DCAF17: variants seen among roughly 807,000 people sequenced by gnomAD.
The protein encoded by DCAF17 is DDB1- and CUL4-associated factor 17.
In DCAF17, 48 loss-of-function variants were observed where a neutral mutation model predicts 66.0. The observed-to-expected ratio is 0.73, with a 90% CI of 0.58 to 0.92. The LOEUF (loss-of-function observed/expected upper bound fraction) is 0.92, where lower values mean the gene tolerates loss of function less well. Among genes scored for constraint, DCAF17 ranks in the 40% least tolerant of loss-of-function variants. The probability of loss-of-function intolerance (pLI) is 0.00; values close to 1 mark genes in which losing one functional copy is unlikely to be tolerated. For synonymous variants in DCAF17, 206 were observed against 214.6 expected (o/e 0.96, Z 0.35); for missense variants, 562 against 622.8 (o/e 0.90, Z 1.04).
At position 171,483,177 on chromosome 2, in the gene DCAF17, G is replaced by A. The variant is rs926824726; in HGVS notation, c.*2063G>A. On this transcript the variant is annotated 3_prime_UTR_variant, in exon 14 of 14. Coordinates refer to ENST00000375255, the MANE Select transcript of DCAF17 (RefSeq NM_025000.4). ...GACAATGAAGCATGCTTCCCAGCTC[G>A]CCAGAGTGTCACACAGCTGCTCATT... is the stretch of plus-strand genomic sequence containing the variant. The A allele has an allele frequency of 1.1e-5, 5 of 454,046 alleles. No individual in the cohort carries two copies. Among genetic ancestry groups the A allele is most frequent in the Non-Finnish European group, 2.2e-5 (5 of 226,764 alleles). The allele number at this position is 454,046 out of a possible 1,614,324, so 28.1% of individuals were successfully genotyped here.
At position 171,482,929 on chromosome 2, in the gene DCAF17, A is replaced by G; in HGVS notation, c.*1815A>G. On this transcript the variant is annotated 3_prime_UTR_variant, in exon 14 of 14. Transcript: ENST00000375255. ...ATGCCATCCAGGCCAGGCAGGAAATATACCTCATGTGAAAGACAGTAAGGA... is the reference window on the plus strand; with the variant it reads ...ATGCCATCCAGGCCAGGCAGGAAATGTACCTCATGTGAAAGACAGTAAGGA... 1 of 454,106 alleles carries G rather than the reference A, an allele frequency of 2.2e-6. No homozygotes were observed. The highest frequency in any genetic ancestry group is 6.9e-5 in the East Asian group (1 of 14,404). 28.1% of individuals were successfully genotyped at this position (454,106 alleles called of 1,614,324 possible).
intron 6 of DCAF17, 135 bp from the exon 7 acceptor site, chr2:171,457,836 A>G: frequency 7.5e-6 from 6 of 799,346 alleles, no homozygotes; most frequent in Non-Finnish European, 1.3e-5. Context: ...GATAAATTAT[A>G]ATGAGGTTTT....
intron 3 of DCAF17, 131 bp downstream of exon 3, chr2:171,443,744 G>A: frequency 1.5e-6 from 1 of 683,912 alleles, no homozygotes; most frequent in Non-Finnish European, 2.5e-6. Context: ...AAGCAATCAA[G>A]ATGAGAGTAT....
intron 2 of DCAF17, chr2:171,443,182 A>G (rs1021716512): frequency 6.9e-5 from 12 of 173,072 alleles, no homozygotes; most frequent in Admixed American, 5.4e-4. Context: ...TTCAACAGAG[A>G]TATTCTTAGT....
At chr2:171,453,373 C>A (rs1695065999) in intron 6 of DCAF17, among the ~76,000 whole-genome samples, 160 bp downstream of exon 6, 1 of 152,144 alleles carries the variant, frequency 6.6e-6, no homozygotes, top group Non-Finnish European at 1.5e-5. Flanking sequence ...AGAACATTTG[C>A]CTAATATCCC....
rs112971058 is a variant in DCAF17 at position 171,435,026 on chromosome 2, A to C, written c.127-57A>C. ...ACATTATGTTGCTTTGAAAATTTAA[A>C]ATCTAACTTAAAGCCTAAGAGTTCT... On this transcript the variant is annotated intron_variant, in intron 1 of 13. Coordinates refer to ENST00000375255, the MANE Select transcript of DCAF17 (RefSeq NM_025000.4). 119 of 1,361,518 alleles carry C rather than the reference A, an allele frequency of 8.7e-5. No homozygotes were observed. In the African/African-American group the frequency reaches 1.6e-3, roughly 18 times the overall value. The allele number at this position is 1,361,518 out of a possible 1,614,324, so 84.3% of individuals were successfully genotyped here.
At position 171,469,023 on chromosome 2, in the gene DCAF17, A is replaced by G. The variant is rs1696083411; in HGVS notation, c.974A>G (p.Asn325Ser). 2 of 1,613,954 alleles carry G rather than the reference A, an allele frequency of 1.2e-6. No individual in the cohort carries two copies. The highest frequency in any genetic ancestry group is 2.2e-5 in the East Asian group (1 of 44,886). The change falls in exon 9 of 14, where the codon AAT becomes AGT. Residue 325 changes from asparagine to serine, a missense_variant. Coordinates refer to ENST00000375255, the MANE Select transcript of DCAF17 (RefSeq NM_025000.4). ...GVFHICALKD[N>S]SLAKNGIQEM... ...TTCCATATTTGTGCCCTAAAAGACA[A>G]TTCCCTGGTAAATGAGTGATCAGAC... is the stretch of plus-strand genomic sequence containing the variant.
At chr2:171,473,774 C>A in intron 9 of DCAF17, 92 bp from the exon 10 acceptor site, 1 of 1,000,174 alleles carries the variant, frequency 1.0e-6, no homozygotes, top group South Asian at 1.4e-5. Context: ...TTCCGTGTAC[C>A]TTTGACCTAC....
chr2:171,465,544 C>T (rs185685655), intron 8 of DCAF17, among the ~76,000 whole-genome samples: 19 of 152,192 alleles, frequency 1.2e-4, no homozygotes, highest in African/African-American at 3.9e-4. Flanking sequence ...AGTGCAGTGG[C>T]GCGATCTCAG....
Position 171,481,945 on chromosome 2 carries a change from A to G in DCAF17, c.*831A>G, listed in dbSNP as rs1265904832. The G allele has an allele frequency of 4.4e-6, 2 of 453,950 alleles. No homozygotes were observed. Among genetic ancestry groups the G allele is most frequent in the Admixed American group, 2.3e-5 (1 of 42,554 alleles). The allele number at this position is 453,950 out of a possible 1,614,324, so 28.1% of individuals were successfully genotyped here. ...CATACTTATGCAATAAGATAAAGGT[A>G]CCCTTGCCTGCAGTAGTTCTGTTTC... On this transcript the variant is annotated 3_prime_UTR_variant, in exon 14 of 14. Transcript: ENST00000375255.
rs1384007019 is a variant in DCAF17, at chr2:171,484,738, C to G, written c.*3624C>G. Reference sequence around the variant, plus strand: ...TCAGAAAGTTTCCTAAATCCCTCTCCCAGTCTATCCCCTCCCCACCCCTCA... The same window carrying G: ...TCAGAAAGTTTCCTAAATCCCTCTCGCAGTCTATCCCCTCCCCACCCCTCA... On this transcript the variant is annotated 3_prime_UTR_variant, in exon 14 of 14. Coordinates refer to ENST00000375255, the MANE Select transcript of DCAF17 (RefSeq NM_025000.4). 2.2e-6 allele frequency: 1 copy of G among 453,920 alleles called. No individual in the cohort carries two copies. The highest frequency in any genetic ancestry group is 2.0e-5 in the African/African-American group (1 of 49,980). The allele number at this position is 453,920 out of a possible 1,614,324, so 28.1% of individuals were successfully genotyped here.
chr2:171,457,948 A>G, intron 6 of DCAF17, 23 bp from the exon 7 acceptor site: 1 of 1,567,672 alleles, frequency 6.4e-7, no homozygotes, highest in Middle Eastern at 1.7e-4. Flanking sequence ...TTCTCAGGTG[A>G]TATCTGTCTT....
At chr2:171,473,751 TTAA>T in intron 9 of DCAF17, 112 bp from the exon 10 acceptor site, 2 of 799,968 alleles carry the variant, frequency 2.5e-6, no homozygotes, top group Non-Finnish European at 4.3e-6. Context: ...CTTTAACTGG[TTAA>T]TATTTTTTCT....
intron 8 of DCAF17, among the ~76,000 whole-genome samples, chr2:171,467,949 C>A (rs1003238960): frequency 2.0e-5 from 3 of 152,038 alleles, no homozygotes; most frequent in African/African-American, 4.8e-5. Context: ...AGACAAGCCC[C>A]TTTACTAATA....
intron 2 of DCAF17, among the ~76,000 whole-genome samples, chr2:171,440,446 A>ACACCTGTAGT (rs1694242132): frequency 6.6e-6 from 1 of 152,082 alleles, no homozygotes; most frequent in Non-Finnish European, 1.5e-5. Context: ...ATGGTGGCAC[A>ACACCTGTAGT]CACCTGTAGT....
chr2:171,460,830 C>T lies in DCAF17; in HGVS notation c.838+2353C>T, dbSNP rs573111040. 2.6e-3 allele frequency among the ~76,000 whole-genome samples: 391 copies of T among 152,072 alleles called. 1 individual carries two copies. The highest frequency in any genetic ancestry group is 8.4e-3 in the African/African-American group (348 of 41,478). On this transcript the variant is annotated intron_variant, in intron 8 of 13. Coordinates refer to ENST00000375255, the MANE Select transcript of DCAF17 (RefSeq NM_025000.4). Reference sequence around the variant, plus strand: ...GGATTACAGGCATGAGCCACTGTGCCCAGCTGATAGTGGGCAAGTTATTTA... The same window carrying T: ...GGATTACAGGCATGAGCCACTGTGCTCAGCTGATAGTGGGCAAGTTATTTA...
At chr2:171,456,672 G>T (rs1195949473) in intron 6 of DCAF17, among the ~76,000 whole-genome samples, 1 of 151,730 alleles carries the variant, frequency 6.6e-6, no homozygotes, top group African/African-American at 2.4e-5. Context: ...CATCTTTGTA[G>T]ATCTCCTTGT....
At chr2:171,474,040 AT>A (rs1030867076) in intron 10 of DCAF17, 65 bp downstream of exon 10, 4 of 1,389,828 alleles carry the variant, frequency 2.9e-6, no homozygotes, top group Non-Finnish European at 4.1e-6. Flanking sequence ...TGGCATCTTT[AT>A]TTTTGCCAGC....
At chr2:171,449,024 T>C (rs1694801437) in intron 4 of DCAF17, among the ~76,000 whole-genome samples, 1 of 152,164 alleles carries the variant, frequency 6.6e-6, no homozygotes. Context: ...TTTTTTCTTT[T>C]TTAAGACAAG....
Sources: gnomAD v4.1 joint callset for allele counts (sites outside exome capture counted in the v4.1 genomes callset) on GRCh38, gnomAD v4.1.1 for gene constraint, MANE v1.5 for transcripts, NCBI Gene and HGNC (gene_info 2026-07-23, HGNC 2026-07-21) for gene names.